Variants in PDILT observed in about 807,000 individuals in gnomAD.
The protein encoded by PDILT is protein disulfide-isomerase-like protein of the testis.
Under a neutral mutation model 53.7 loss-of-function variants are expected in PDILT, and 43 were observed. The ratio of observed to expected loss-of-function variants is 0.80; its 90% CI spans 0.63 to 1.03. The LOEUF (loss-of-function observed/expected upper bound fraction) is 1.03, where lower values mean the gene tolerates loss of function less well. Among genes scored for constraint, PDILT ranks in the 50% least tolerant of loss-of-function variants. The probability of loss-of-function intolerance (pLI) is 0.00; values close to 1 mark genes in which losing one functional copy is unlikely to be tolerated. For synonymous variants in PDILT, 282 were observed against 274.2 expected (o/e 1.03, Z -0.28); for missense variants, 727 against 712.3 (o/e 1.02, Z -0.24).
At chr16:20,362,767 G>A (rs183737019) in intron 9 of PDILT, among the ~76,000 whole-genome samples, 185 bp from the exon 10 acceptor site, 8 of 151,936 alleles carry the variant, frequency 5.3e-5, no homozygotes, top group Admixed American at 1.3e-4. Context: ...ATTGTTATTC[G>A]ATAAATTAGA....
At chr16:20,403,973 T>C (rs1966781045) in intron 1 of PDILT, among the ~76,000 whole-genome samples, 1 of 152,188 alleles carries the variant, frequency 6.6e-6, no homozygotes, top group African/African-American at 2.4e-5. Context: ...TCTCACCCCA[T>C]CTCAGCTTTC....
rs1157044976 is a variant in PDILT, at chr16:20,371,501, A to T, written c.918+1301T>A. Among the ~76,000 whole-genome samples, 4 of 152,246 alleles carry T rather than the reference A, an allele frequency of 2.6e-5. No individual in the cohort carries two copies. In the East Asian group the frequency reaches 7.7e-4, roughly 29 times the overall value. ...AAACCATCCTTGTGTACTTTCAATA[A>T]ATATTTGCTACCTTCTGTTGGCACT... On this transcript the variant is annotated intron_variant, in intron 7 of 11. Transcript: ENST00000302451.
At position 20,376,051 on chromosome 16, in the gene PDILT, C is replaced by T. The variant is rs1966381290; in HGVS notation, c.543+17G>A. 1 of 1,613,764 alleles carries T rather than the reference C, an allele frequency of 6.2e-7. No individual in the cohort carries two copies. The highest frequency in any genetic ancestry group is 8.5e-7 in the Non-Finnish European group (1 of 1,179,886). On this transcript the variant is annotated intron_variant, in intron 4 of 11. Coordinates refer to ENST00000302451, the MANE Select transcript of PDILT (RefSeq NM_174924.2). ...CTCATCAGTTGAAAGCCTCCTCCCACCTCTTGGTCCCAGTACCTGGAAGAA... is the reference window on the plus strand; with the variant it reads ...CTCATCAGTTGAAAGCCTCCTCCCATCTCTTGGTCCCAGTACCTGGAAGAA...
At chr16:20,363,373 A>C (rs1011247459) in intron 9 of PDILT, among the ~76,000 whole-genome samples, 4 of 152,194 alleles carry the variant, frequency 2.6e-5, no homozygotes, top group Admixed American at 2.0e-4. Context: ...TTCTTTTAAC[A>C]TAGTGTTCCA....
chr16:20,366,973 TTCCTTCCTTCCTTC>T (rs1567320335), intron 8 of PDILT, among the ~76,000 whole-genome samples: 3,910 of 86,296 alleles, frequency 0.045, 215 homozygotes, highest in Middle Eastern at 0.084. Context: ...CCTTCCTTCC[TTCCTTCCTTCCTTC>T]CTTTCTTTCT....
rs752434656 is a variant in PDILT, at chr16:20,373,136, A to G, written c.682-14T>C. On this transcript the variant is annotated splice_polypyrimidine_tract_variant and intron_variant, in intron 5 of 11. Coordinates refer to ENST00000302451, the MANE Select transcript of PDILT (RefSeq NM_174924.2). ...CACAATTTTTCCCTTGTACAAAAGG[A>G]GAAACATATTGGAGGACAGTAGCTT... is the stretch of plus-strand genomic sequence containing the variant. The G allele has an allele frequency of 7.5e-6, 12 of 1,600,488 alleles. No homozygotes were observed. Among genetic ancestry groups the G allele is most frequent in the Non-Finnish European group, 1.0e-5 (12 of 1,167,654 alleles).
chr16:20,396,889 T>C (rs906002649), intron 2 of PDILT, among the ~76,000 whole-genome samples: 1 of 120,128 alleles, frequency 8.3e-6, no homozygotes, highest in Non-Finnish European at 2.0e-5. Flanking sequence ...TGGTGATAGC[T>C]TCTGCCTGTG....
intron 9 of PDILT, among the ~76,000 whole-genome samples, chr16:20,363,666 TATAAC>T (rs139909230): frequency 0.029 from 4,355 of 152,280 alleles, 94 homozygotes; most frequent in Admixed American, 0.056. Flanking sequence ...TAGGCATTAA[TATAAC>T]ATAACATATA....
chr16:20,375,474 T>C (rs1317664807), intron 4 of PDILT, among the ~76,000 whole-genome samples: 1 of 152,146 alleles, frequency 6.6e-6, no homozygotes, highest in African/African-American at 2.4e-5. Flanking sequence ...GTCACCAACT[T>C]ATAGCAAAAG....
At chr16:20,384,328 G>C (rs921466675) in intron 3 of PDILT, among the ~76,000 whole-genome samples, 7 of 152,064 alleles carry the variant, frequency 4.6e-5, no homozygotes, top group African/African-American at 1.7e-4. Flanking sequence ...GTATTTCTCC[G>C]CCTTTCTTGC....
Position 20,365,400 on chromosome 16 carries a change from C to T in PDILT, c.1237+20G>A, listed in dbSNP as rs747279773. The T allele has an allele frequency of 6.2e-7, 1 of 1,612,668 alleles. No individual in the cohort carries two copies. The highest frequency in any genetic ancestry group is 8.5e-7 in the Non-Finnish European group (1 of 1,178,984). ...AATTTTGGCACCCGTTGCCTCAGAA[C>T]CCCTCTTGGAGATACTTACAGAACA... On this transcript the variant is annotated intron_variant, in intron 9 of 11. Transcript: ENST00000302451.
intron 2 of PDILT, among the ~76,000 whole-genome samples, chr16:20,392,556 A>G (rs1391662611): frequency 1.3e-5 from 2 of 152,116 alleles, no homozygotes; most frequent in African/African-American, 4.8e-5. Flanking sequence ...TCCCCAAGTG[A>G]TTTGTTTTTC....
intron 6 of PDILT, 41 bp from the exon 7 acceptor site, chr16:20,372,968 G>T: frequency 6.2e-7 from 1 of 1,613,580 alleles, no homozygotes. Context: ...AGCACACACA[G>T]TGGCCCCAGC....
chr16:20,368,803 C>T (rs188622390), intron 8 of PDILT, among the ~76,000 whole-genome samples: 86 of 152,182 alleles, frequency 5.7e-4, no homozygotes, highest in Admixed American at 1.6e-3. Context: ...GGTATGGCCT[C>T]GAACTCCTGG....
chr16:20,368,614 C>A (rs75127901), intron 8 of PDILT, among the ~76,000 whole-genome samples: 89 of 44,474 alleles, frequency 2.0e-3, no homozygotes, highest in African/African-American at 4.9e-3. Flanking sequence ...GGGGGTGGTG[C>A]TGGACAGGGT....
At chr16:20,396,255 G>A (rs1966661667) in intron 2 of PDILT, among the ~76,000 whole-genome samples, 1 of 152,162 alleles carries the variant, frequency 6.6e-6, no homozygotes, top group South Asian at 2.1e-4. Context: ...CACATATCCA[G>A]TTTATGGAAG....
chr16:20,377,037 C>T (rs986260728), intron 3 of PDILT, among the ~76,000 whole-genome samples: 3 of 152,166 alleles, frequency 2.0e-5, no homozygotes, highest in Non-Finnish European at 4.4e-5. Context: ...TATTTCCCAG[C>T]ACTTTGGGAG....
intron 1 of PDILT, among the ~76,000 whole-genome samples, chr16:20,402,390 C>T (rs776530489): frequency 9.2e-5 from 14 of 152,122 alleles, no homozygotes; most frequent in Non-Finnish European, 2.1e-4. Flanking sequence ...CCTGCGTCTC[C>T]CTGGTTCAAA....
At chr16:20,377,909 G>A (rs1216776760) in intron 3 of PDILT, among the ~76,000 whole-genome samples, 3 of 151,756 alleles carry the variant, frequency 2.0e-5, no homozygotes, top group Non-Finnish European at 2.9e-5. Flanking sequence ...AGCCAAGTTC[G>A]CACCACCGCA....
Sources: allele counts gnomAD v4.1 joint callset (sites outside exome capture counted in the v4.1 genomes callset), GRCh38; gene constraint gnomAD v4.1.1; transcripts MANE v1.5; gene names NCBI Gene and HGNC (gene_info 2026-07-23, HGNC 2026-07-21).